The following SLC35D4 variants were observed in gnomAD, a reference collection of about 807,000 sequenced individuals.
SLC35D4 encodes the protein UDP-N-acetylglucosamine transporter SLC35D4.
the SLC35D4 span, among the ~76,000 whole-genome samples, chr18:23,369,381 C>T: frequency 1.3e-5 from 2 of 152,206 alleles, no homozygotes; most frequent in Non-Finnish European, 1.5e-5. Context: ...CTGGCCTCAG[C>T]GCTCCAGGCC....
the SLC35D4 span, among the ~76,000 whole-genome samples, chr18:23,270,131 G>C: frequency 2.0e-5 from 3 of 152,200 alleles, no homozygotes; most frequent in African/African-American, 7.2e-5. Context: ...TCCTAGGGCT[G>C]GGCCCAGGGC....
chr18:23,410,757 A>T, the SLC35D4 span, among the ~76,000 whole-genome samples: 384 of 152,296 alleles, frequency 2.5e-3, 3 homozygotes, highest in African/African-American at 8.8e-3. Context: ...AGATCGCACC[A>T]CTGCACTCCA....
At chr18:23,263,567 A>G in the SLC35D4 span, among the ~76,000 whole-genome samples, 1 of 152,240 alleles carries the variant, frequency 6.6e-6, no homozygotes, top group African/African-American at 2.4e-5. Flanking sequence ...GTTCACGTCC[A>G]CCAACATTTC....
chr18:23,304,361 T>TTATATA, the SLC35D4 span, among the ~76,000 whole-genome samples: 1,471 of 146,066 alleles, frequency 0.01, 9 homozygotes, highest in Non-Finnish European at 0.018. Flanking sequence ...TCTCAAGAAT[T>TTATATA]TATATATATA....
chr18:23,437,213 T>A, the SLC35D4 span, among the ~76,000 whole-genome samples: 342 of 152,354 alleles, frequency 2.2e-3, 4 homozygotes, highest in African/African-American at 8.1e-3. Context: ...CATGATGTCA[T>A]GACATTAGTT....
the SLC35D4 span, among the ~76,000 whole-genome samples, chr18:23,370,963 T>C: frequency 1.3e-5 from 2 of 152,174 alleles, no homozygotes; most frequent in African/African-American, 4.8e-5. Flanking sequence ...CCATTTAATT[T>C]TAACCTTCAC....
the SLC35D4 span, among the ~76,000 whole-genome samples, chr18:23,256,997 A>T: frequency 6.6e-6 from 1 of 152,196 alleles, no homozygotes; most frequent in Non-Finnish European, 1.5e-5. Flanking sequence ...TGATGTCATA[A>T]GATGTATGTG....
the SLC35D4 span, among the ~76,000 whole-genome samples, chr18:23,265,152 C>G: frequency 0.024 from 3,638 of 152,266 alleles, 134 homozygotes; most frequent in African/African-American, 0.082. Context: ...CTCTGCAGAT[C>G]CCAGCACCCA....
chr18:23,290,790 CTAA>C, the SLC35D4 span, among the ~76,000 whole-genome samples: 1 of 137,148 alleles, frequency 7.3e-6, no homozygotes, highest in African/African-American at 3.1e-5. Context: ...CCACACCCTG[CTAA>C]TTTTTTTTTT....
At chr18:23,352,147 G>T in the SLC35D4 span, 1 of 1,520,500 alleles carries the variant, frequency 6.6e-7, no homozygotes, top group Non-Finnish European at 9.0e-7. Flanking sequence ...TGAGATCTTT[G>T]GATACACAGG....
At chr18:23,246,646 C>T in the SLC35D4 span, among the ~76,000 whole-genome samples, 4 of 151,680 alleles carry the variant, frequency 2.6e-5, 1 homozygote. Context: ...CCACCTTGGC[C>T]TCCCAAAGTG....
the SLC35D4 span, among the ~76,000 whole-genome samples, chr18:23,323,869 A>G: frequency 6.6e-6 from 1 of 152,070 alleles, no homozygotes; most frequent in Non-Finnish European, 1.5e-5. Flanking sequence ...ACCTGAGGTC[A>G]GGAGTTCAAG....
At chr18:23,250,590 CAG>C in the SLC35D4 span, among the ~76,000 whole-genome samples, 1 of 152,202 alleles carries the variant, frequency 6.6e-6, no homozygotes, top group Non-Finnish European at 1.5e-5. Flanking sequence ...AGGGCTGCCA[CAG>C]GGGTCCACTC....
chr18:23,371,344 C>T, the SLC35D4 span: 1 of 1,221,016 alleles, frequency 8.2e-7, no homozygotes, highest in Non-Finnish European at 1.1e-6. Context: ...ATCCACTTGC[C>T]TTGGCCTCCC....
chr18:23,364,601 T>C, the SLC35D4 span, among the ~76,000 whole-genome samples: 3 of 152,126 alleles, frequency 2.0e-5, no homozygotes, highest in Non-Finnish European at 4.4e-5. Flanking sequence ...GGCAGTAAGA[T>C]ACATTTTAAA....
the SLC35D4 span, among the ~76,000 whole-genome samples, chr18:23,405,746 G>C: frequency 6.6e-6 from 1 of 152,174 alleles, no homozygotes; most frequent in East Asian, 1.9e-4. Context: ...ATGGCCAACA[G>C]CTCCATGTAC....
At chr18:23,432,629 C>T in the SLC35D4 span, among the ~76,000 whole-genome samples, 10 of 147,084 alleles carry the variant, frequency 6.8e-5, no homozygotes, top group Admixed American at 3.5e-4. Flanking sequence ...TGCAGTGAGC[C>T]GAGATTGAGC....
the SLC35D4 span, among the ~76,000 whole-genome samples, chr18:23,338,269 A>T: frequency 6.6e-6 from 1 of 152,252 alleles, no homozygotes; most frequent in South Asian, 2.1e-4. Context: ...GTCCTCATGC[A>T]TGCTGAATTC....
the SLC35D4 span, chr18:23,295,908 C>T: frequency 6.6e-6 from 1 of 152,148 alleles, no homozygotes; most frequent in Non-Finnish European, 1.5e-5. Context: ...TCTCTGATAC[C>T]TGGCAGAGTG....
Sources: gnomAD v4.1 joint callset for allele counts (sites outside exome capture counted in the v4.1 genomes callset) on GRCh38, gnomAD v4.1.1 for gene constraint, MANE v1.5 for transcripts, NCBI Gene and HGNC (gene_info 2026-07-23, HGNC 2026-07-21) for gene names.